Variants in SLC35D1 observed in about 807,000 individuals in gnomAD.
SLC35D1 encodes nucleotide sugar transporter SLC35D1.
In SLC35D1, 31 loss-of-function variants were observed where a neutral mutation model predicts 46.7. The observed-to-expected ratio is 0.66, with a 90% CI of 0.50 to 0.90. SLC35D1 has a LOEUF of 0.90. Among genes scored for constraint, SLC35D1 ranks in the 40% least tolerant of loss-of-function variants. SLC35D1 has a pLI of 0.00. For missense variants in SLC35D1, 397 were observed against 426.2 expected, an observed-to-expected ratio of 0.93 and a Z score of 0.60; for synonymous variants, 195 against 164.6, an observed-to-expected ratio of 1.18 and a Z score of -1.41.
chr1:66,999,058 C>T (rs1045645611), downstream of SLC35D1, among the ~76,000 whole-genome samples: 2 of 152,140 alleles, frequency 1.3e-5, no homozygotes, highest in African/African-American at 4.8e-5. Context: ...TGTGCTTCCA[C>T]CTCTGCTGAG....
At chr1:66,979,771 T>C in the SLC35D1 span, among the ~76,000 whole-genome samples, 2 of 152,122 alleles carry the variant, frequency 1.3e-5, no homozygotes, top group Non-Finnish European at 2.9e-5. Flanking sequence ...GGCTTTTTTT[T>C]TTTTTTTAAA....
At chr1:67,050,579 G>A in intron 4 of SLC35D1, 75 bp from the exon 5 acceptor site, 1 of 1,170,714 alleles carries the variant, frequency 8.5e-7, no homozygotes, top group African/African-American at 1.5e-5. Flanking sequence ...CAAATTGGTA[G>A]TTAAAATAAT....
At chr1:67,036,599 C>G (rs1198545366) in intron 8 of SLC35D1, among the ~76,000 whole-genome samples, 1 of 151,922 alleles carries the variant, frequency 6.6e-6, no homozygotes, top group Non-Finnish European at 1.5e-5. Context: ...GCTACTTCTG[C>G]TCTTTTTTGG....
intron 8 of SLC35D1, among the ~76,000 whole-genome samples, chr1:67,023,047 A>C (rs1667844576): frequency 6.6e-6 from 1 of 152,186 alleles, no homozygotes; most frequent in South Asian, 2.1e-4. Flanking sequence ...ATTCTATCTT[A>C]TGGGTATACC....
Position 67,001,500 on chromosome 1 carries a change from G to C in SLC35D1, c.*2840C>G, listed in dbSNP as rs1181099688. 6.6e-6 allele frequency: 1 copy of C among 152,156 alleles called. No homozygotes were observed. Among genetic ancestry groups the C allele is most frequent in the Non-Finnish European group, 1.5e-5 (1 of 68,022 alleles). The allele number at this position is 152,156 out of a possible 1,614,324, so 9.4% of individuals were successfully genotyped here. A position where few individuals can be genotyped will look rare whatever the true frequency, so the allele number is the denominator to read the frequency against. On this transcript the variant is annotated 3_prime_UTR_variant, in exon 12 of 12. Transcript: ENST00000235345. ...GGCCAAAGAGGGTCTCACTTACATT[G>C]AACAGGAGACACTAGTCATAGAATT...
At chr1:67,009,457 G>A (rs1667519491) in intron 10 of SLC35D1, among the ~76,000 whole-genome samples, 1 of 152,138 alleles carries the variant, frequency 6.6e-6, no homozygotes, top group Non-Finnish European at 1.5e-5. Context: ...TTGGACAAAG[G>A]TCTAATATCC....
At chr1:66,989,775 A>G in the SLC35D1 span, among the ~76,000 whole-genome samples, 1 of 152,204 alleles carries the variant, frequency 6.6e-6, no homozygotes, top group African/African-American at 2.4e-5. Context: ...AAACATTTTT[A>G]AAAAGAAAAC....
intron 10 of SLC35D1, among the ~76,000 whole-genome samples, chr1:67,014,428 G>C (rs942397958): frequency 6.6e-6 from 1 of 151,882 alleles, no homozygotes; most frequent in Non-Finnish European, 1.5e-5. Context: ...AATTTTACTG[G>C]TCTTATGGCT....
At position 67,054,111 on chromosome 1, in the gene SLC35D1, T is replaced by C; in HGVS notation, c.-98A>G. 1.6e-6 allele frequency: 2 copies of C among 1,243,000 alleles called. No individual in the cohort carries two copies. Among genetic ancestry groups the C allele is most frequent in the Non-Finnish European group, 2.2e-6 (2 of 894,042 alleles). 77.0% of individuals were successfully genotyped at this position (1,243,000 alleles called of 1,614,324 possible). ...ACTCCAGGAGTTGGGGACCGCAGACTAGGCCAGCTGCGCGCTCGCCGCCTC... is the reference window on the plus strand; with the variant it reads ...ACTCCAGGAGTTGGGGACCGCAGACCAGGCCAGCTGCGCGCTCGCCGCCTC... On this transcript the variant is annotated 5_prime_UTR_variant, in exon 1 of 12. Transcript: ENST00000235345.
At chr1:66,994,921 GAAAA>G (rs61387414), downstream of SLC35D1, among the ~76,000 whole-genome samples, 16 of 96,518 alleles carry the variant, frequency 1.7e-4, no homozygotes, top group East Asian at 2.9e-3. Context: ...GGCAAAAAAA[GAAAA>G]AAAAAAAAAA....
At chr1:66,984,336 A>C in the SLC35D1 span, among the ~76,000 whole-genome samples, 1 of 152,202 alleles carries the variant, frequency 6.6e-6, no homozygotes, top group Admixed American at 6.5e-5. Context: ...TTTTCACAAC[A>C]ACCCTGTGAG....
At chr1:66,995,433 T>TAAAAA (rs541234514), downstream of SLC35D1, among the ~76,000 whole-genome samples, 18 of 35,806 alleles carry the variant, frequency 5.0e-4, 1 homozygote, top group Non-Finnish European at 6.2e-4. Context: ...CCTGCTACGC[T>TAAAAA]AAAAAAAAAA....
chr1:66,977,196 G>A, the SLC35D1 span, among the ~76,000 whole-genome samples: 1 of 151,528 alleles, frequency 6.6e-6, no homozygotes, highest in Non-Finnish European at 1.5e-5. Context: ...TGCAGCCTCC[G>A]TCTCCCGGCT....
At chr1:67,011,807 T>C (rs1667571556) in intron 10 of SLC35D1, among the ~76,000 whole-genome samples, 1 of 152,080 alleles carries the variant, frequency 6.6e-6, no homozygotes. Flanking sequence ...AGCCCAAATC[T>C]TGATTAATGG....
chr1:67,053,000 G>A lies in SLC35D1; in HGVS notation c.204-11C>T. 2 of 1,613,784 alleles carry A rather than the reference G, an allele frequency of 1.2e-6. No homozygotes were observed. The highest frequency in any genetic ancestry group is 4.5e-5 in the East Asian group (2 of 44,890). Reference sequence around the variant, plus strand: ...AGTGAGGAGGGAAATCTACAAAAAGGGCAAAGAAAAAAACAAGATCAGAAC... The same window carrying A: ...AGTGAGGAGGGAAATCTACAAAAAGAGCAAAGAAAAAAACAAGATCAGAAC... On this transcript the variant is annotated splice_polypyrimidine_tract_variant and intron_variant, in intron 1 of 11. Transcript: ENST00000235345.
chr1:67,030,856 G>A (rs1305960321), intron 8 of SLC35D1, among the ~76,000 whole-genome samples: 1 of 152,176 alleles, frequency 6.6e-6, no homozygotes, highest in Non-Finnish European at 1.5e-5. Flanking sequence ...CATTTTTGGA[G>A]TGCCTTATGG....
At chr1:67,053,697 G>T in intron 1 of SLC35D1, 114 bp downstream of exon 1, 3 of 1,036,752 alleles carry the variant, frequency 2.9e-6, no homozygotes, top group Non-Finnish European at 2.5e-6. Context: ...CCCAGCTCCC[G>T]CCCAACTTTG....
the SLC35D1 span, chr1:66,985,776 T>C: frequency 1.1e-6 from 1 of 940,278 alleles, no homozygotes; most frequent in Non-Finnish European, 1.3e-6. Flanking sequence ...GTCATATTTC[T>C]TATCCAGGTG....
chr1:67,039,043 T>A (rs1244747286), intron 8 of SLC35D1, among the ~76,000 whole-genome samples: 1 of 152,178 alleles, frequency 6.6e-6, no homozygotes, highest in East Asian at 1.9e-4. Context: ...TGTATCCAAC[T>A]CCTGTCTCTC....
Sources: allele counts gnomAD v4.1 joint callset (sites outside exome capture counted in the v4.1 genomes callset), GRCh38; gene constraint gnomAD v4.1.1; transcripts MANE v1.5; gene names NCBI Gene and HGNC (gene_info 2026-07-23, HGNC 2026-07-21).